NDC1: variants seen among roughly 807,000 people sequenced by gnomAD.
The protein encoded by NDC1 is NDC1 transmembrane nucleoporin.
A neutral mutation model predicts 89.8 loss-of-function variants in NDC1; 24 were observed. The observed-to-expected ratio is 0.27, with a 90% CI of 0.19 to 0.38. NDC1 has a LOEUF of 0.38. Among genes scored for constraint, NDC1 ranks in the 10% least tolerant of loss-of-function variants. The pLI is 1.00. For missense variants in NDC1, 728 were observed against 797.6 expected, an observed-to-expected ratio of 0.91 and a Z score of 1.05; for synonymous variants, 296 against 284.8, an observed-to-expected ratio of 1.04 and a Z score of -0.39.
intron 3 of NDC1, among the ~76,000 whole-genome samples, chr1:53,830,203 C>T (rs1275959547): frequency 6.6e-6 from 1 of 151,798 alleles, no homozygotes; most frequent in Non-Finnish European, 1.5e-5. Flanking sequence ...CCTGTAATCA[C>T]AGCACTTTGG....
chr1:53,838,164 C>T (rs990246019), intron 1 of NDC1, 41 bp downstream of exon 1: 3 of 1,523,780 alleles, frequency 2.0e-6, no homozygotes, highest in Non-Finnish European at 2.6e-6. Context: ...CCCGCCCGGC[C>T]CGACCCTGGC....
intron 16 of NDC1, among the ~76,000 whole-genome samples, chr1:53,782,529 A>T (rs533693419): frequency 6.6e-6 from 1 of 152,308 alleles, no homozygotes; most frequent in East Asian, 1.9e-4. Flanking sequence ...GACAAAGAAC[A>T]TGGGGAAAAG....
At chr1:53,805,867 G>A (rs539880769) in intron 9 of NDC1, among the ~76,000 whole-genome samples, 1 of 152,330 alleles carries the variant, frequency 6.6e-6, no homozygotes, top group South Asian at 2.1e-4. Context: ...GAGGTCAGGA[G>A]ATCGAGACCA....
chr1:53,778,268 C>T (rs1217207949), intron 16 of NDC1, among the ~76,000 whole-genome samples: 1 of 141,256 alleles, frequency 7.1e-6, no homozygotes, highest in African/African-American at 2.6e-5. Flanking sequence ...TATACACACA[C>T]ACACACACAC....
intron 14 of NDC1, 112 bp downstream of exon 14, chr1:53,793,117 G>A (rs950806089): frequency 1.4e-5 from 13 of 949,224 alleles, no homozygotes; most frequent in Non-Finnish European, 2.0e-5. Flanking sequence ...AAGCTGCCTA[G>A]CTTGCTAGGA....
chr1:53,767,881 C>T lies in NDC1; in HGVS notation c.*89G>A, dbSNP rs1647079416. 3 of 720,266 alleles carry T rather than the reference C, an allele frequency of 4.2e-6. No homozygotes were observed. The highest frequency in any genetic ancestry group is 5.0e-5 in the South Asian group (2 of 40,006). 44.6% of individuals were successfully genotyped at this position (720,266 alleles called of 1,614,324 possible). On this transcript the variant is annotated 3_prime_UTR_variant, in exon 18 of 18. Coordinates refer to ENST00000371429, the MANE Select transcript of NDC1 (RefSeq NM_018087.5). ...CGACAAAGGAAGCATCTAATTAGTC[C>T]GTTTTCTTCTGATCCAAGAATGCTG...
At chr1:53,781,289 A>T (rs987042057) in intron 16 of NDC1, among the ~76,000 whole-genome samples, 1 of 152,252 alleles carries the variant, frequency 6.6e-6, no homozygotes, top group African/African-American at 2.4e-5. Context: ...TGATAAAGGA[A>T]ATAACTACTA....
chr1:53,785,731 C>T lies in NDC1; in HGVS notation c.1800+1427G>A, dbSNP rs971654029. The stretch of plus-strand genomic sequence containing the variant: ...GGGACTATAGGTGCGCACCACCACA[C>T]CTCGCTAATTTTTTAAAACTTTTTT... On this transcript the variant is annotated intron_variant, in intron 16 of 17. Coordinates refer to ENST00000371429, the MANE Select transcript of NDC1 (RefSeq NM_018087.5). Among the ~76,000 whole-genome samples, 9 of 152,076 alleles carry T rather than the reference C, an allele frequency of 5.9e-5. 1 individual carries two copies. Among genetic ancestry groups the T allele is most frequent in the African/African-American group, 1.9e-4 (8 of 41,472 alleles).
At chr1:53,784,432 G>A (rs900500648) in intron 16 of NDC1, among the ~76,000 whole-genome samples, 1 of 152,094 alleles carries the variant, frequency 6.6e-6, no homozygotes, top group Admixed American at 6.5e-5. Context: ...CGAGGCAGGC[G>A]GATTACCTGA....
rs1647066240 is a variant in NDC1 at position 53,766,373 on chromosome 1, T to C, written c.*1597A>G. 2 of 152,202 alleles carry C rather than the reference T, an allele frequency of 1.3e-5. No individual in the cohort carries two copies. The highest frequency in any genetic ancestry group is 4.8e-5 in the African/African-American group (2 of 41,450). The allele number at this position is 152,202 out of a possible 1,614,324, so 9.4% of individuals were successfully genotyped here. ...TAAAAAGCTTAATTGTGTTAATACA[T>C]GGAAGACAACAGTTCTCAGTCAACC... On this transcript the variant is annotated 3_prime_UTR_variant, in exon 18 of 18. Transcript: ENST00000371429.
chr1:53,786,714 T>C (rs1647318253), intron 16 of NDC1, among the ~76,000 whole-genome samples: 1 of 152,194 alleles, frequency 6.6e-6, no homozygotes, highest in Non-Finnish European at 1.5e-5. Context: ...TTTTTTAAAA[T>C]AGAGACAGGG....
At chr1:53,807,246 CAAAAAAA>C (rs56393499) in intron 8 of NDC1, among the ~76,000 whole-genome samples, 103 of 55,274 alleles carry the variant, frequency 1.9e-3, no homozygotes, top group African/African-American at 7.4e-3. Flanking sequence ...GACCCTATCT[CAAAAAAA>C]AAAAAAAAAA....
In NDC1 at chr1:53,796,770, T is replaced by C. The variant is rs1304352331; in HGVS notation, c.1503A>G (p.Pro501=). 1.9e-6 allele frequency: 3 copies of C among 1,610,438 alleles called. No individual in the cohort carries two copies. The highest frequency in any genetic ancestry group is 1.7e-5 in the Admixed American group (1 of 58,718). The part of the protein sequence containing the change: ...QQMTEFSNPS[P]STSISAEGKT... ...TACCCTCAGCACTAATAGAGGTAGA[T>C]GGAGAAGGATTAGAAAATTCAGTCA... Residue 501 remains proline (P), a synonymous_variant, in exon 13 of 18, where the codon CCA becomes CCG. Transcript: ENST00000371429.
At chr1:53,794,587 TGACTG>T (rs1647631850) in intron 13 of NDC1, among the ~76,000 whole-genome samples, 1 of 152,156 alleles carries the variant, frequency 6.6e-6, no homozygotes, top group African/African-American at 2.4e-5. Context: ...AATAAAAACA[TGACTG>T]GGCGTGGTGG....
At chr1:53,837,589 A>G (rs930251216) in intron 1 of NDC1, among the ~76,000 whole-genome samples, 6 of 152,200 alleles carry the variant, frequency 3.9e-5, no homozygotes, top group Non-Finnish European at 8.8e-5. Context: ...AAAAAAGATA[A>G]GACTTACGGA....
Position 53,818,978 on chromosome 1 carries a change from A to T in NDC1, c.696T>A (p.Tyr232Ter). 6.9e-7 allele frequency: 1 copy of T among 1,451,874 alleles called. No individual in the cohort carries two copies. Among genetic ancestry groups the T allele is most frequent in the Admixed American group, 2.1e-5 (1 of 47,426 alleles). The allele number at this position is 1,451,874 out of a possible 1,614,324, so 89.9% of individuals were successfully genotyped here. ...AAAAGCAGAAATTCTTACCAAGAAA[A>T]TAATATAAAATGCAGAAATTTCTAA... ...FLVRNFCILY[Y>*]FLGYIPKAWI... Residue 232 changes from tyrosine (Y) to a stop codon, truncating the protein, a stop_gained, in exon 6 of 18, where the codon TAT becomes TAA. Coordinates refer to ENST00000371429, the MANE Select transcript of NDC1 (RefSeq NM_018087.5). LOFTEE classifies it high-confidence loss of function.
chr1:53,772,086 A>T (rs1647117422), intron 17 of NDC1, among the ~76,000 whole-genome samples: 1 of 152,082 alleles, frequency 6.6e-6, no homozygotes, highest in Non-Finnish European at 1.5e-5. Context: ...TATATAATTA[A>T]TCTGCTGCAT....
chr1:53,801,652 C>T (rs749579919), intron 10 of NDC1, among the ~76,000 whole-genome samples: 2 of 152,202 alleles, frequency 1.3e-5, no homozygotes, highest in Non-Finnish European at 2.9e-5. Context: ...CTCAGGAATA[C>T]CACTTAACCT....
chr1:53,784,251 G>A (rs12739066), intron 16 of NDC1, among the ~76,000 whole-genome samples: 34 of 116,312 alleles, frequency 2.9e-4, no homozygotes, highest in Middle Eastern at 4.6e-3. Context: ...ACACACACAC[G>A]CACACACTAT....
Sources: gnomAD v4.1 joint callset for allele counts (sites outside exome capture counted in the v4.1 genomes callset) on GRCh38, gnomAD v4.1.1 for gene constraint, MANE v1.5 for transcripts, NCBI Gene and HGNC (gene_info 2026-07-23, HGNC 2026-07-21) for gene names.